The following CRB1 variants were observed in gnomAD, a reference collection of about 807,000 sequenced individuals.
The protein encoded by CRB1 is crumbs cell polarity complex component 1.
A neutral mutation model predicts 120.0 loss-of-function variants in CRB1; 83 were observed. That is an observed-to-expected ratio of 0.69 (90% CI 0.58 to 0.83). CRB1 has a LOEUF of 0.83. Among genes scored for constraint, CRB1 ranks in the 40% least tolerant of loss-of-function variants. The pLI, the probability that CRB1 is intolerant of heterozygous loss-of-function variation, is 0.00. For missense variants in CRB1, 1,699 were observed against 1,687.6 expected (o/e 1.01, Z -0.12); for synonymous variants, 625 against 612.5 (o/e 1.02, Z -0.30).
At chr1:197,294,562 A>T (rs901911905) in intron 1 of CRB1, among the ~76,000 whole-genome samples, 1 of 152,140 alleles carries the variant, frequency 6.6e-6, no homozygotes, top group Non-Finnish European at 1.5e-5. Context: ...CTGAGTATAT[A>T]CCCAATGGAT....
chr1:197,222,968 C>A, the CRB1 span: 1 of 833,830 alleles, frequency 1.2e-6, no homozygotes, highest in Non-Finnish European at 2.1e-6. Context: ...CATGTACAAT[C>A]TTTACAGTGG....
At chr1:197,419,363 CT>C (rs68004200) in intron 5 of CRB1, among the ~76,000 whole-genome samples, 106,616 of 127,248 alleles carry the variant, frequency 0.84, 44,760 homozygotes, top group East Asian at 0.95. Context: ...AGATTGGATT[CT>C]TTTTTTTTTT....
At chr1:197,366,176 AACTT>A (rs1249538919) in intron 5 of CRB1, among the ~76,000 whole-genome samples, 3 of 152,242 alleles carry the variant, frequency 2.0e-5, no homozygotes, top group East Asian at 1.9e-4. Flanking sequence ...ATTAATAAAT[AACTT>A]ACTATTTCCC....
At chr1:197,467,125 C>A (rs1571623642) in intron 11 of CRB1, among the ~76,000 whole-genome samples, 1 of 152,002 alleles carries the variant, frequency 6.6e-6, no homozygotes, top group East Asian at 1.9e-4. Flanking sequence ...GCAAGATCTG[C>A]AAATATGGGG....
chr1:197,331,120 T>G (rs1658830134), intron 2 of CRB1, among the ~76,000 whole-genome samples: 1 of 151,700 alleles, frequency 6.6e-6, no homozygotes, highest in Admixed American at 6.6e-5. Context: ...ATCGCGCCAC[T>G]GCACTCCAGC....
intron 11 of CRB1, among the ~76,000 whole-genome samples, chr1:197,476,538 A>G (rs1187616603): frequency 6.6e-6 from 1 of 152,174 alleles, no homozygotes; most frequent in Non-Finnish European, 1.5e-5. Flanking sequence ...GCACAAACTA[A>G]TGAACCACAT....
Position 197,453,480 on chromosome 1 carries a change from A to C in CRB1, c.4005+11188A>C, listed in dbSNP as rs1666075356. Among the ~76,000 whole-genome samples, 7 of 146,562 alleles carry C rather than the reference A, an allele frequency of 4.8e-5. No individual in the cohort carries two copies. The Admixed American group carries it at 4.9e-4, about 10-fold the overall frequency. On this transcript the variant is annotated intron_variant, in intron 11 of 11. Coordinates refer to ENST00000367400, the MANE Select transcript of CRB1 (RefSeq NM_201253.3). ...ATTGGTATATAAATATATACATTAA[A>C]TAACTGTGTGTGTATATATATGTGT...
chr1:197,202,497 T>A, the CRB1 span, among the ~76,000 whole-genome samples: 1 of 151,650 alleles, frequency 6.6e-6, no homozygotes, highest in Non-Finnish European at 1.5e-5. Context: ...TTTAAAGAAA[T>A]GAAGGGAAAT....
chr1:197,243,223 G>A, the CRB1 span, among the ~76,000 whole-genome samples: 1 of 152,000 alleles, frequency 6.6e-6, no homozygotes, highest in Non-Finnish European at 1.5e-5. Flanking sequence ...GCTGACTTTT[G>A]AATTTGTTTG....
At chr1:197,290,695 A>G (rs975374882) in intron 1 of CRB1, among the ~76,000 whole-genome samples, 17 of 151,690 alleles carry the variant, frequency 1.1e-4, no homozygotes, top group African/African-American at 4.1e-4. Flanking sequence ...TATTTAAATA[A>G]TATTTGTTGT....
intron 8 of CRB1, among the ~76,000 whole-genome samples, chr1:197,432,677 G>A (rs1003368301): frequency 3.3e-5 from 5 of 152,086 alleles, no homozygotes; most frequent in Non-Finnish European, 5.9e-5. Context: ...TCCTAGTGCA[G>A]AAAGACAGTG....
the CRB1 span, among the ~76,000 whole-genome samples, chr1:197,245,630 T>G: frequency 6.6e-6 from 1 of 152,154 alleles, no homozygotes; most frequent in Non-Finnish European, 1.5e-5. Flanking sequence ...CCTTGAGATA[T>G]TTCTGCTTTT....
chr1:197,347,795 G>A (rs1183488643), intron 4 of CRB1, among the ~76,000 whole-genome samples: 1 of 151,898 alleles, frequency 6.6e-6, no homozygotes, highest in Non-Finnish European at 1.5e-5. Context: ...CTTCCAAGAT[G>A]TTCTCTTATA....
At chr1:197,332,855 C>T (rs1363656928) in intron 2 of CRB1, among the ~76,000 whole-genome samples, 1 of 152,154 alleles carries the variant, frequency 6.6e-6, no homozygotes, top group Non-Finnish European at 1.5e-5. Context: ...TATCCCATGA[C>T]CACCAGTGTT....
In CRB1 at chr1:197,477,719, C is replaced by T. The variant is rs760100325; in HGVS notation, c.4061C>T (p.Ala1354Val). 1 of 1,613,916 alleles carries T rather than the reference C, an allele frequency of 6.2e-7. No homozygotes were observed. The highest frequency in any genetic ancestry group is 8.5e-7 in the Non-Finnish European group (1 of 1,179,870). Reference protein sequence around the residue: ...IFTTIGSVTVALLLILLLAIV... With the variant: ...IFTTIGSVTVVLLLILLLAIV... ...ACCACTATTGGCTCAGTGACTGTCG[C>T]CTTGTTACTGATCCTCTTGCTGGCC... is the stretch of plus-strand genomic sequence containing the variant. Residue 1354 changes from alanine (A) to valine (V), a missense_variant, in exon 12 of 12, where the codon GCC becomes GTC. Physicochemically the swap from Ala to Val is moderately conservative, Grantham distance 64 (BLOSUM62 0). Coordinates refer to ENST00000367400, the MANE Select transcript of CRB1 (RefSeq NM_201253.3).
At chr1:197,282,651 T>TA (rs1379629676) in intron 1 of CRB1, among the ~76,000 whole-genome samples, 1 of 150,954 alleles carries the variant, frequency 6.6e-6, no homozygotes, top group African/African-American at 2.5e-5. Context: ...TGCAGTCTCT[T>TA]AAGAAACGCA....
chr1:197,418,013 TAGTG>T (rs1664096306), intron 5 of CRB1, among the ~76,000 whole-genome samples: 1 of 151,982 alleles, frequency 6.6e-6, no homozygotes, highest in African/African-American at 2.4e-5. Flanking sequence ...TACTATCTAA[TAGTG>T]AGCCGAAAAG....
chr1:197,275,987 T>A (rs1655186647), intron 1 of CRB1, among the ~76,000 whole-genome samples: 1 of 151,924 alleles, frequency 6.6e-6, no homozygotes, highest in Non-Finnish European at 1.5e-5. Context: ...ATCCTATTGG[T>A]TGCTATGGTT....
chr1:197,317,741 G>T (rs929125123), intron 1 of CRB1, among the ~76,000 whole-genome samples: 6 of 152,156 alleles, frequency 3.9e-5, no homozygotes, highest in Non-Finnish European at 7.4e-5. Context: ...TATAGACAAT[G>T]GGGAAAGGAC....
Sources: gnomAD v4.1 joint callset for allele counts (sites outside exome capture counted in the v4.1 genomes callset) on GRCh38, gnomAD v4.1.1 for gene constraint, MANE v1.5 for transcripts, NCBI Gene and HGNC (gene_info 2026-07-23, HGNC 2026-07-21) for gene names.